DIAPH3: variants seen among roughly 807,000 people sequenced by gnomAD.
DIAPH3 encodes diaphanous related formin 3, also known as protein diaphanous homolog 3.
In DIAPH3, 117 loss-of-function variants were observed where a neutral mutation model predicts 144.3. The observed-to-expected ratio is 0.81, with a 90% CI of 0.70 to 0.95. The LOEUF is 0.95. Ranked by LOEUF, DIAPH3 falls within the 40% of genes least tolerant of loss-of-function variation. The pLI, the probability that DIAPH3 is intolerant of heterozygous loss-of-function variation, is 0.00. For missense variants in DIAPH3, 1,421 were observed against 1,412.7 expected (o/e 1.01, Z -0.09); for synonymous variants, 519 against 488.9 (o/e 1.06, Z -0.81).
intron 27 of DIAPH3, among the ~76,000 whole-genome samples, chr13:59,672,727 C>T (rs575909071): frequency 6.6e-5 from 10 of 152,288 alleles, no homozygotes; most frequent in African/African-American, 2.4e-4. Context: ...CCTTTGGTTT[C>T]ATTTCGCTGT....
intron 20 of DIAPH3, among the ~76,000 whole-genome samples, chr13:59,882,422 C>A (rs2045124159): frequency 6.6e-6 from 1 of 152,080 alleles, no homozygotes; most frequent in Admixed American, 6.6e-5. Context: ...AACTTTATTT[C>A]TTCAGGTGGA....
At chr13:59,709,634 T>G (rs567712162) in intron 27 of DIAPH3, among the ~76,000 whole-genome samples, 1 of 152,218 alleles carries the variant, frequency 6.6e-6, no homozygotes, top group Non-Finnish European at 1.5e-5. Context: ...GGAACACTTT[T>G]ACACTGTTAG....
Position 60,010,739 on chromosome 13 carries a change from G to A in DIAPH3, c.772-70C>T, listed in dbSNP as rs1183659629. The A allele has an allele frequency of 2.0e-6, 3 of 1,484,738 alleles. No homozygotes were observed. The African/African-American group carries it at 4.2e-5, about 21-fold the overall frequency. The allele number at this position is 1,484,738 out of a possible 1,614,324, so 92.0% of individuals were successfully genotyped here. ...AGAAAAATAATACCCTGAAGGAAAT[G>A]TAGTTATTAAAAAAAATTTATAGGA... On this transcript the variant is annotated intron_variant, in intron 7 of 27. Coordinates refer to ENST00000400324, the MANE Select transcript of DIAPH3 (RefSeq NM_001042517.2).
intron 27 of DIAPH3, among the ~76,000 whole-genome samples, chr13:59,753,393 A>G (rs531300468): frequency 6.6e-6 from 1 of 152,320 alleles, no homozygotes; most frequent in South Asian, 2.1e-4. Flanking sequence ...TCCAAATAAT[A>G]TAGTAATACA....
chr13:59,717,760 T>G (rs936925798), intron 27 of DIAPH3, among the ~76,000 whole-genome samples: 23 of 151,712 alleles, frequency 1.5e-4, no homozygotes, highest in Non-Finnish European at 2.9e-4. Context: ...GGAGGATAAA[T>G]CTTCTGAAAT....
intron 17 of DIAPH3, among the ~76,000 whole-genome samples, chr13:59,938,173 T>G (rs1172717249): frequency 1.3e-5 from 2 of 152,214 alleles, no homozygotes; most frequent in Admixed American, 1.3e-4. Flanking sequence ...TGATCTGTGT[T>G]CTAGAATAAA....
intron 27 of DIAPH3, among the ~76,000 whole-genome samples, chr13:59,771,360 T>C (rs73208929): frequency 6.6e-6 from 1 of 152,230 alleles, no homozygotes; most frequent in Non-Finnish European, 1.5e-5. Context: ...ATAGGTTTAT[T>C]AAAATTAACA....
At chr13:60,012,915 A>T in intron 7 of DIAPH3, 1 of 830,966 alleles carries the variant, frequency 1.2e-6, no homozygotes, top group Non-Finnish European at 1.5e-6. Flanking sequence ...TTAAGACTGG[A>T]ATGAGGCCAA....
chr13:60,052,201 G>A (rs1421013823), intron 4 of DIAPH3, among the ~76,000 whole-genome samples: 3 of 152,104 alleles, frequency 2.0e-5, no homozygotes, highest in Admixed American at 2.0e-4. Context: ...AGGGAGGTGA[G>A]GAACATGAAA....
chr13:60,039,759 T>C (rs1282710881), intron 5 of DIAPH3, among the ~76,000 whole-genome samples: 2 of 152,138 alleles, frequency 1.3e-5, no homozygotes, highest in African/African-American at 4.8e-5. Flanking sequence ...ATCTCAAACT[T>C]AAGAAAAATT....
chr13:59,859,406 T>A (rs1422664903), intron 22 of DIAPH3, among the ~76,000 whole-genome samples: 1 of 152,106 alleles, frequency 6.6e-6, no homozygotes, highest in African/African-American at 2.4e-5. Flanking sequence ...CAAGTCCTTA[T>A]CAAAGGTAAA....
intron 25 of DIAPH3, among the ~76,000 whole-genome samples, chr13:59,796,435 G>C (rs1334127293): frequency 6.6e-6 from 1 of 152,124 alleles, no homozygotes; most frequent in Non-Finnish European, 1.5e-5. Context: ...GTATTTGTCA[G>C]GGAAAATGAG....
chr13:59,763,006 G>C (rs2037682454), intron 27 of DIAPH3, among the ~76,000 whole-genome samples: 1 of 151,978 alleles, frequency 6.6e-6, no homozygotes, highest in Admixed American at 6.6e-5. Context: ...GAACTTCCCA[G>C]CCTCCAGAGT....
rs748802745 is a variant in DIAPH3, at chr13:59,861,386, G to C, written c.2737+21C>G. The C allele has an allele frequency of 8.7e-6, 14 of 1,613,424 alleles. No individual in the cohort carries two copies. The East Asian group carries it at 3.1e-4, about 36-fold the overall frequency. On this transcript the variant is annotated intron_variant, in intron 22 of 27. Coordinates refer to ENST00000400324, the MANE Select transcript of DIAPH3 (RefSeq NM_001042517.2). ...GCACTGAAGATCAGAGCCATGAAAT[G>C]TTTCTTAAAAAGGCACAAACCTTTA...
chr13:60,106,310 G>A (rs1048980577), intron 3 of DIAPH3, among the ~76,000 whole-genome samples: 3 of 152,042 alleles, frequency 2.0e-5, no homozygotes, highest in Non-Finnish European at 4.4e-5. Flanking sequence ...TAACATTAGA[G>A]ATATTACAAA....
intron 27 of DIAPH3, among the ~76,000 whole-genome samples, chr13:59,724,038 T>C (rs1201136859): frequency 1.3e-5 from 2 of 151,714 alleles, no homozygotes; most frequent in African/African-American, 4.8e-5. Context: ...GATAGTTCTC[T>C]ATTATACACT....
At chr13:59,739,495 A>G (rs938496670) in intron 27 of DIAPH3, among the ~76,000 whole-genome samples, 3 of 152,176 alleles carry the variant, frequency 2.0e-5, no homozygotes, top group African/African-American at 7.2e-5. Context: ...TGCTAGTAGC[A>G]TCAGAAGTAC....
chr13:59,952,439 C>A (rs1490199298), intron 17 of DIAPH3, among the ~76,000 whole-genome samples: 4 of 151,754 alleles, frequency 2.6e-5, no homozygotes. Flanking sequence ...AAAATACCTA[C>A]AAAATGTGTT....
In DIAPH3 at chr13:60,003,709, G is replaced by A. The variant is rs2052672858; in HGVS notation, c.1014+4835C>T. On this transcript the variant is annotated intron_variant, in intron 9 of 27. Coordinates refer to ENST00000400324, the MANE Select transcript of DIAPH3 (RefSeq NM_001042517.2). ...CTGCCTCAGCCTCCCGAGTAGCTGGGACTATAGGCACCCACCAACACGCAA... is the reference window on the plus strand; with the variant it reads ...CTGCCTCAGCCTCCCGAGTAGCTGGAACTATAGGCACCCACCAACACGCAA... 2.0e-5 allele frequency among the ~76,000 whole-genome samples: 3 copies of A among 151,884 alleles called. No individual in the cohort carries two copies. The South Asian group carries it at 6.2e-4, about 32-fold the overall frequency.
Sources: gnomAD v4.1 joint callset for allele counts (sites outside exome capture counted in the v4.1 genomes callset) on GRCh38, gnomAD v4.1.1 for gene constraint, MANE v1.5 for transcripts, NCBI Gene and HGNC (gene_info 2026-07-23, HGNC 2026-07-21) for gene names.